Variants in CAMTA1 observed in about 807,000 individuals in gnomAD.
CAMTA1 encodes calmodulin-binding transcription activator 1.
CAMTA1 carries 27 observed loss-of-function variants against 170.9 expected under a neutral mutation model. The ratio of observed to expected loss-of-function variants is 0.16; its 90% CI spans 0.12 to 0.22. The LOEUF is 0.22. Among genes scored for constraint, CAMTA1 ranks in the 10% least tolerant of loss-of-function variants. The pLI is 1.00. For synonymous variants in CAMTA1, 833 were observed against 891.5 expected (o/e 0.93, Z 1.17); for missense variants, 1,619 against 2,217.2 (o/e 0.73, Z 5.42).
intron 3 of CAMTA1, among the ~76,000 whole-genome samples, chr1:6,923,933 A>G (rs1682556110): frequency 6.6e-6 from 1 of 152,332 alleles, no homozygotes; most frequent in Non-Finnish European, 1.5e-5. Context: ...CAATTCCCCA[A>G]GGTGTAGAAT....
Position 7,234,021 on chromosome 1 carries a change from C to T in CAMTA1, c.303-15470C>T, listed in dbSNP as rs775156841. Among the ~76,000 whole-genome samples the T allele has an allele frequency of 3.3e-5, 5 of 152,192 alleles. No homozygotes were observed. Among genetic ancestry groups the T allele is most frequent in the Non-Finnish European group, 5.9e-5 (4 of 68,030 alleles). ...TTATGCCGTCTTACATTTTATGCTA[C>T]ATTTGTATTAAGATTGGAGTCCTCG... On this transcript the variant is annotated intron_variant, in intron 4 of 22. Transcript: ENST00000303635. This position sits in a 1 kb window ranked among gnomAD's most constrained non-coding sequence, Gnocchi z 5.0.
chr1:7,367,042 T>A (rs887597333), intron 5 of CAMTA1, among the ~76,000 whole-genome samples: 3 of 152,092 alleles, frequency 2.0e-5, no homozygotes, highest in African/African-American at 7.2e-5. Context: ...AAAAAAAATA[T>A]CCTGCTGACA....
rs544206069 is a variant in CAMTA1 at position 7,266,171 on chromosome 1, G to A, written c.438+16545G>A. On this transcript the variant is annotated intron_variant, in intron 5 of 22. Transcript: ENST00000303635. ...ATTGGCAAGAGAACAAGCCTGCCCC[G>A]AGGCAGGTCTGCAGAGCGGGGGCGT... Among the ~76,000 whole-genome samples, 88 of 152,292 alleles carry A rather than the reference G, an allele frequency of 5.8e-4. 2 individuals carry two copies. The highest frequency in any genetic ancestry group is 5.4e-3 in the Admixed American group (83 of 15,298).
In CAMTA1 at chr1:7,007,751, T is replaced by G. The variant is rs1699216321; in HGVS notation, c.235-83553T>G. ...CCTCTTCCAGTGCTTTCCGACCCTG[T>G]GCTTTTCTACCGACTTCTGGGCCGG... On this transcript the variant is annotated intron_variant, in intron 3 of 22. Transcript: ENST00000303635. The surrounding 1 kb of genome is among the most constrained non-coding windows in gnomAD (Gnocchi z 4.5). Among the ~76,000 whole-genome samples the G allele has an allele frequency of 6.6e-6, 1 of 152,156 alleles. No homozygotes were observed. The highest frequency in any genetic ancestry group is 2.1e-4 in the South Asian group (1 of 4,822).
At chr1:6,910,646 A>G (rs1478449709) in intron 3 of CAMTA1, among the ~76,000 whole-genome samples, 1 of 152,234 alleles carries the variant, frequency 6.6e-6, no homozygotes, top group Non-Finnish European at 1.5e-5. Context: ...TGGGAAGGTC[A>G]TTGTGTCCTT....
chr1:7,600,491 C>CTTTT (rs60909261), intron 6 of CAMTA1, among the ~76,000 whole-genome samples: 1 of 143,032 alleles, frequency 7.0e-6, no homozygotes, highest in Admixed American at 7.0e-5. Flanking sequence ...TTTTCTTTTT[C>CTTTT]TTTTTTTTTT....
intron 1 of CAMTA1, among the ~76,000 whole-genome samples, chr1:6,800,789 T>C (rs1009735430): frequency 3.3e-5 from 5 of 152,214 alleles, no homozygotes; most frequent in African/African-American, 4.8e-5. Flanking sequence ...ACCTGCTCCC[T>C]GGGCCTCCTA....
chr1:6,851,040 A>T (rs1660175760), intron 3 of CAMTA1, among the ~76,000 whole-genome samples: 1 of 152,198 alleles, frequency 6.6e-6, no homozygotes, highest in Non-Finnish European at 1.5e-5. Flanking sequence ...ATGTTTATTT[A>T]CAATGTTTGG....
chr1:7,639,271 G>A (rs2095741548), intron 6 of CAMTA1, among the ~76,000 whole-genome samples: 2 of 152,178 alleles, frequency 1.3e-5, no homozygotes, highest in African/African-American at 4.8e-5. Flanking sequence ...AAGCCACCAC[G>A]CCCGGCCCAA....
At chr1:7,235,910 CTTCTCCT>C (rs1375229320) in intron 4 of CAMTA1, among the ~76,000 whole-genome samples, 2 of 152,188 alleles carry the variant, frequency 1.3e-5, no homozygotes, top group Admixed American at 1.3e-4. Flanking sequence ...TTGGTGCTAC[CTTCTCCT>C]TGTCCTTATT....
Position 6,918,785 on chromosome 1 carries a change from T to TC in CAMTA1, c.234+93580dup, listed in dbSNP as rs1411950588. On this transcript the variant is annotated intron_variant, in intron 3 of 22. Coordinates refer to ENST00000303635, the MANE Select transcript of CAMTA1 (RefSeq NM_015215.4). This position sits in a 1 kb window ranked among gnomAD's most constrained non-coding sequence, Gnocchi z 4.0. Reference sequence around the variant, plus strand: ...TCAAGTTCAGTCATGCCCACCGCGTTCCCCCAGCCTGTCACCCTGTGGCTG... The same window carrying TC: ...TCAAGTTCAGTCATGCCCACCGCGTTCCCCCCAGCCTGTCACCCTGTGGCTG... Among the ~76,000 whole-genome samples, 1 of 152,102 alleles carries TC rather than the reference T, an allele frequency of 6.6e-6. No individual in the cohort carries two copies. Among genetic ancestry groups the TC allele is most frequent in the African/African-American group, 2.4e-5 (1 of 41,422 alleles).
chr1:7,642,150 C>T lies in CAMTA1; in HGVS notation c.664+1597C>T, dbSNP rs1233665762. On this transcript the variant is annotated intron_variant, in intron 7 of 22. Coordinates refer to ENST00000303635, the MANE Select transcript of CAMTA1 (RefSeq NM_015215.4). The surrounding 1 kb of genome is among the most constrained non-coding windows in gnomAD (Gnocchi z 6.3). ...TCACACCCCTGTGCCCTGGCCTCCT[C>T]GAGCCCCCACGGGGGAGATGTCAGC... Among the ~76,000 whole-genome samples, 2 of 152,172 alleles carry T rather than the reference C, an allele frequency of 1.3e-5. No individual in the cohort carries two copies. Among genetic ancestry groups the T allele is most frequent in the African/African-American group, 4.8e-5 (2 of 41,436 alleles).
chr1:7,284,075 G>A (rs1371826860), intron 5 of CAMTA1, among the ~76,000 whole-genome samples: 1 of 151,994 alleles, frequency 6.6e-6, no homozygotes, highest in Admixed American at 6.5e-5. Context: ...CACAGCCACT[G>A]TCCTTAGATC....
intron 3 of CAMTA1, among the ~76,000 whole-genome samples, chr1:6,962,272 C>T (rs1690561770): frequency 6.6e-6 from 1 of 152,148 alleles, no homozygotes; most frequent in Non-Finnish European, 1.5e-5. Flanking sequence ...CATTTTACTC[C>T]CCCCAGGTCA....
intron 6 of CAMTA1, among the ~76,000 whole-genome samples, chr1:7,493,465 A>G (rs1432835866): frequency 6.6e-6 from 1 of 152,106 alleles, no homozygotes; most frequent in Non-Finnish European, 1.5e-5. Flanking sequence ...GCAAACACAC[A>G]AAAACATATA....
chr1:7,608,858 G>C (rs1040942007), intron 6 of CAMTA1, among the ~76,000 whole-genome samples: 14 of 152,172 alleles, frequency 9.2e-5, no homozygotes, highest in African/African-American at 3.1e-4. Context: ...GTCTCTGGCT[G>C]AACAGGGGCT....
Position 7,113,432 on chromosome 1 carries a change from AT to A in CAMTA1, c.302+22063del, listed in dbSNP as rs1644180863. 6.6e-6 allele frequency among the ~76,000 whole-genome samples: 1 copy of A among 152,112 alleles called. No individual in the cohort carries two copies. Reference sequence around the variant, plus strand: ...CTTGGAGAGGGGTCATCTTTACTTGATTCCCTTGGTCTGGAGAGAAGGATCT... The same window carrying A: ...CTTGGAGAGGGGTCATCTTTACTTGATCCCTTGGTCTGGAGAGAAGGATCT... On this transcript the variant is annotated intron_variant, in intron 4 of 22. Transcript: ENST00000303635. The surrounding 1 kb of genome is among the most constrained non-coding windows in gnomAD (Gnocchi z 4.5).
chr1:7,077,224 GTTTTT>G (rs113439901), intron 3 of CAMTA1, among the ~76,000 whole-genome samples: 1 of 118,628 alleles, frequency 8.4e-6, no homozygotes, highest in Admixed American at 8.9e-5. Flanking sequence ...TTAAGGAAAG[GTTTTT>G]TTTTTTTTTT....
chr1:6,847,170 A>C lies in CAMTA1; in HGVS notation c.234+21960A>C, dbSNP rs545435081. On this transcript the variant is annotated intron_variant, in intron 3 of 22. Transcript: ENST00000303635. ...AGGCTTGTGCCACTGCGCCTGGCTT[A>C]TTTTTCTACTTTTTAGTAGAGATGG... Among the ~76,000 whole-genome samples the C allele has an allele frequency of 3.3e-3, 505 of 151,544 alleles. 2 individuals carry two copies. The highest frequency in any genetic ancestry group is 5.3e-3 in the Non-Finnish European group (358 of 67,862).
Sources: gnomAD v4.1 joint callset for allele counts (sites outside exome capture counted in the v4.1 genomes callset) on GRCh38, gnomAD v4.1.1 for gene constraint, Gnocchi (gnomAD v3.1) non-coding constraint, MANE v1.5 for transcripts, NCBI Gene and HGNC (gene_info 2026-07-23, HGNC 2026-07-21) for gene names.